Variants in SPOCK1 observed in about 807,000 individuals in gnomAD.
SPOCK1 encodes testican-1.
SPOCK1 carries 23 observed loss-of-function variants against 55.3 expected under a neutral mutation model. That is an observed-to-expected ratio of 0.42 (90% CI 0.30 to 0.59). SPOCK1 has a LOEUF of 0.59. Among genes scored for constraint, SPOCK1 ranks in the 20% least tolerant of loss-of-function variants. The probability of loss-of-function intolerance (pLI) is 0.22; values close to 1 mark genes in which losing one functional copy is unlikely to be tolerated. For synonymous variants in SPOCK1, 226 were observed against 221.0 expected (o/e 1.02, Z -0.20); for missense variants, 499 against 552.5 (o/e 0.90, Z 0.97).
intron 8 of SPOCK1, 24 bp from the exon 9 acceptor site, chr5:136,985,226 A>G: frequency 6.2e-7 from 1 of 1,607,540 alleles, no homozygotes; most frequent in Non-Finnish European, 8.5e-7. Flanking sequence ...TCTGAAAGTC[A>G]GCTTCCAGAT....
chr5:137,276,628 T>G (rs181204055), intron 2 of SPOCK1, among the ~76,000 whole-genome samples: 43 of 152,342 alleles, frequency 2.8e-4, no homozygotes, highest in African/African-American at 9.9e-4. Flanking sequence ...TATCTTGGAC[T>G]GCAGCTCCAC....
intron 2 of SPOCK1, among the ~76,000 whole-genome samples, chr5:137,275,708 G>C (rs1399834185): frequency 6.6e-6 from 1 of 152,196 alleles, no homozygotes; most frequent in Non-Finnish European, 1.5e-5. Context: ...TTCCAGAGTT[G>C]TATCCACCTA....
chr5:137,177,500 A>G (rs933945662), intron 3 of SPOCK1, among the ~76,000 whole-genome samples: 11 of 152,136 alleles, frequency 7.2e-5, no homozygotes, highest in African/African-American at 2.7e-4. Flanking sequence ...AGTACAAAAA[A>G]GAAGAGGTGG....
At chr5:137,343,197 C>T (rs1750476450) in intron 2 of SPOCK1, among the ~76,000 whole-genome samples, 1 of 152,208 alleles carries the variant, frequency 6.6e-6, no homozygotes, top group Non-Finnish European at 1.5e-5. Flanking sequence ...TTTGGCTGTC[C>T]CCTCTCCAGT....
intron 3 of SPOCK1, among the ~76,000 whole-genome samples, chr5:137,160,645 T>A (rs1365209348): frequency 6.2e-4 from 52 of 84,346 alleles, no homozygotes; most frequent in Middle Eastern, 4.9e-3. Flanking sequence ...ATAATATATA[T>A]TTTATATAAT....
At chr5:137,302,691 T>C (rs192819172) in intron 2 of SPOCK1, among the ~76,000 whole-genome samples, 1 of 152,296 alleles carries the variant, frequency 6.6e-6, no homozygotes, top group African/African-American at 2.4e-5. Flanking sequence ...AATAAACATA[T>C]ATACACATAC....
intron 3 of SPOCK1, among the ~76,000 whole-genome samples, chr5:137,158,024 T>C (rs146327547): frequency 3.6e-3 from 546 of 152,296 alleles, no homozygotes; most frequent in Middle Eastern, 0.014. Flanking sequence ...ATTGTGCCAT[T>C]GCACTCCAGC....
At chr5:137,440,833 G>A (rs919180196) in intron 2 of SPOCK1, among the ~76,000 whole-genome samples, 2 of 152,172 alleles carry the variant, frequency 1.3e-5, no homozygotes, top group African/African-American at 4.8e-5. Context: ...TGTCTAATAT[G>A]AGTAAAGAAA....
chr5:137,491,689 T>C (rs1754182044), intron 2 of SPOCK1, among the ~76,000 whole-genome samples: 1 of 152,210 alleles, frequency 6.6e-6, no homozygotes, highest in Non-Finnish European at 1.5e-5. Flanking sequence ...TTTCCACCTC[T>C]CAGAGACTAT....
intron 2 of SPOCK1, among the ~76,000 whole-genome samples, chr5:137,488,387 A>AT (rs1156849674): frequency 6.6e-6 from 1 of 152,184 alleles, no homozygotes; most frequent in Non-Finnish European, 1.5e-5. Flanking sequence ...CAAAAAAAAA[A>AT]GAATCACCTG....
At chr5:137,044,246 G>T (rs140837265) in intron 6 of SPOCK1, among the ~76,000 whole-genome samples, 1 of 152,184 alleles carries the variant, frequency 6.6e-6, no homozygotes, top group Non-Finnish European at 1.5e-5. Flanking sequence ...TAGAAGGATG[G>T]TGTGTGCAAA....
Position 137,140,564 on chromosome 5 carries a change from G to C in SPOCK1, c.347+16C>G, listed in dbSNP as rs373491554. 3.1e-6 allele frequency: 5 copies of C among 1,606,102 alleles called. No individual in the cohort carries two copies. In the African/African-American group the frequency reaches 4.0e-5, roughly 13 times the overall value. Reference sequence around the variant, plus strand: ...GAATGCCTCCCAGCCCCCAGCCCCCGGCCTTCCTGCCTTACCTGGGGAGCA... The same window carrying C: ...GAATGCCTCCCAGCCCCCAGCCCCCCGCCTTCCTGCCTTACCTGGGGAGCA... On this transcript the variant is annotated intron_variant, in intron 4 of 10. Transcript: ENST00000394945.
chr5:137,062,123 G>C lies in SPOCK1; in HGVS notation c.589+5592C>G, dbSNP rs142979240. On this transcript the variant is annotated intron_variant, in intron 6 of 10. Coordinates refer to ENST00000394945, the MANE Select transcript of SPOCK1 (RefSeq NM_004598.4). ...CCACAGGTGTAATCTAAGTGGTAAC[G>C]TGTAAGAATGGAGTCACTCTGGAGG... 2.6e-3 allele frequency among the ~76,000 whole-genome samples: 400 copies of C among 152,260 alleles called. 3 individuals are homozygous for C. The highest frequency in any genetic ancestry group is 4.3e-3 in the Admixed American group (65 of 15,290).
intron 6 of SPOCK1, among the ~76,000 whole-genome samples, chr5:137,051,766 A>G (rs573532409): frequency 6.6e-6 from 1 of 152,344 alleles, no homozygotes; most frequent in East Asian, 1.9e-4. Flanking sequence ...TTTAAAAATA[A>G]TTACAAATAG....
intron 2 of SPOCK1, among the ~76,000 whole-genome samples, chr5:137,306,732 T>C (rs1757707171): frequency 6.6e-6 from 1 of 151,784 alleles, no homozygotes; most frequent in African/African-American, 2.4e-5. Flanking sequence ...GACCCGACCA[T>C]GTTTGTAATG....
intron 2 of SPOCK1, among the ~76,000 whole-genome samples, chr5:137,360,057 C>A (rs946615548): frequency 6.6e-6 from 1 of 152,190 alleles, no homozygotes; most frequent in Non-Finnish European, 1.5e-5. Flanking sequence ...AGACCAAGAG[C>A]AATTGGTGCC....
chr5:137,020,619 T>G (rs62387882), intron 6 of SPOCK1, among the ~76,000 whole-genome samples: 26,067 of 151,444 alleles, frequency 0.17, 2,855 homozygotes, highest in Non-Finnish European at 0.24. Flanking sequence ...CTACAAAGAG[T>G]AAAAAGAAGC....
At chr5:137,305,679 C>T (rs866222633) in intron 2 of SPOCK1, among the ~76,000 whole-genome samples, 6 of 152,336 alleles carry the variant, frequency 3.9e-5, no homozygotes, top group South Asian at 2.1e-4. Flanking sequence ...CACGCCTTCT[C>T]ATTTAGGCTG....
At chr5:137,285,952 A>T (rs116361874) in intron 2 of SPOCK1, among the ~76,000 whole-genome samples, 2 of 152,154 alleles carry the variant, frequency 1.3e-5, no homozygotes, top group Non-Finnish European at 2.9e-5. Flanking sequence ...TCTGTCACAC[A>T]TTCATCTTCT....
Sources: gnomAD v4.1 joint callset for allele counts (sites outside exome capture counted in the v4.1 genomes callset) on GRCh38, gnomAD v4.1.1 for gene constraint, MANE v1.5 for transcripts, NCBI Gene and HGNC (gene_info 2026-07-23, HGNC 2026-07-21) for gene names.